The following CHPT1 variants were observed in gnomAD, a reference collection of about 807,000 sequenced individuals.
CHPT1 encodes the protein cholinephosphotransferase 1.
CHPT1 carries 36 observed loss-of-function variants against 47.6 expected under a neutral mutation model. The ratio of observed to expected loss-of-function variants is 0.76; its 90% confidence interval spans 0.58 to 1.00. The LOEUF is 1.00. Ranked by LOEUF, CHPT1 falls within the 50% of genes least tolerant of loss-of-function variation. The pLI, the probability that CHPT1 is intolerant of heterozygous loss-of-function variation, is 0.00. For synonymous variants in CHPT1, 194 were observed against 186.3 expected, an observed-to-expected ratio of 1.04 and a Z score of -0.33; for missense variants, 458 against 498.1, an observed-to-expected ratio of 0.92 and a Z score of 0.77.
At chr12:101,699,249 G>A (rs1353239559) in intron 1 of CHPT1, among the ~76,000 whole-genome samples, 7 of 152,032 alleles carry the variant, frequency 4.6e-5, no homozygotes, top group African/African-American at 1.7e-4. Flanking sequence ...CACCACGGCC[G>A]ACTCACTTTT....
At chr12:101,708,394 G>A (rs996793699) in intron 1 of CHPT1, among the ~76,000 whole-genome samples, 1 of 151,122 alleles carries the variant, frequency 6.6e-6, no homozygotes, top group Non-Finnish European at 1.5e-5. Context: ...TTGTTTTCTA[G>A]AATAAATTTA....
intron 3 of CHPT1, among the ~76,000 whole-genome samples, chr12:101,716,514 G>A (rs774791316): frequency 7.2e-5 from 11 of 152,000 alleles, no homozygotes; most frequent in Non-Finnish European, 1.5e-4. Flanking sequence ...TTTTCCCTCT[G>A]CATATACCGT....
At chr12:101,717,261 G>A (rs1239770290) in intron 4 of CHPT1, 1 of 454,738 alleles carries the variant, frequency 2.2e-6, no homozygotes, top group Non-Finnish European at 4.4e-6. Context: ...ATTAAGGAAT[G>A]TTTTTATTTT....
chr12:101,704,011 T>G (rs540286239), intron 1 of CHPT1, among the ~76,000 whole-genome samples: 3 of 152,220 alleles, frequency 2.0e-5, no homozygotes, highest in Non-Finnish European at 4.4e-5. Flanking sequence ...TCTTCTAATG[T>G]CCTTTCTTCC....
At chr12:101,712,311 G>A (rs1044015770) in intron 1 of CHPT1, among the ~76,000 whole-genome samples, 5 of 148,472 alleles carry the variant, frequency 3.4e-5, no homozygotes, top group East Asian at 2.0e-4. Context: ...GTGAGCCGCC[G>A]AACCTGGACT....
chr12:101,697,996 G>T lies in CHPT1; in HGVS notation c.135G>T (p.Pro45=). The T allele has an allele frequency of 6.4e-7, 1 of 1,559,018 alleles. No individual in the cohort carries two copies. The highest frequency in any genetic ancestry group is 2.5e-5 in the East Asian group (1 of 40,310). ...SAAGVSLLEP[P]LQLYWTWLLQ... is the part of the protein sequence containing the mutation. Reference sequence around the variant, plus strand: ...CGGGCGTCTCGCTGCTCGAGCCGCCGCTGCAGCTCTACTGGACCTGGCTGC... The same window carrying T: ...CGGGCGTCTCGCTGCTCGAGCCGCCTCTGCAGCTCTACTGGACCTGGCTGC... Residue 45 remains proline (P), a synonymous_variant, in exon 1 of 9, where the codon CCG becomes CCT. Coordinates refer to ENST00000229266, the MANE Select transcript of CHPT1 (RefSeq NM_020244.3).
intron 1 of CHPT1, among the ~76,000 whole-genome samples, chr12:101,700,840 G>A (rs995923451): frequency 6.6e-6 from 1 of 152,124 alleles, no homozygotes; most frequent in Non-Finnish European, 1.5e-5. Context: ...GGAAATTGAA[G>A]CCCAGAGATG....
intron 1 of CHPT1, among the ~76,000 whole-genome samples, chr12:101,700,323 GAAAAAAAA>G (rs5800482): frequency 7.5e-6 from 1 of 132,718 alleles, no homozygotes; most frequent in South Asian, 2.5e-4. Context: ...AGCCTCATGT[GAAAAAAAA>G]AAAAAAAAGG....
chr12:101,716,891 A>G (rs1432290892), intron 4 of CHPT1, 79 bp downstream of exon 4: 2 of 866,144 alleles, frequency 2.3e-6, no homozygotes, highest in African/African-American at 3.6e-5. Context: ...AATTTTCTTC[A>G]AAAATCCTTG....
At chr12:101,709,729 G>C (rs1210163012) in intron 1 of CHPT1, among the ~76,000 whole-genome samples, 4 of 148,744 alleles carry the variant, frequency 2.7e-5, no homozygotes, top group African/African-American at 7.3e-5. Flanking sequence ...CTTGTGGCTG[G>C]CACCATTTCC....
rs766167234 is a variant in CHPT1, at chr12:101,714,191, C to G, written c.375C>G (p.Ser125=). ...AAGCCAGAAGAACAAACTCTTGTTC[C>G]CCTTTAGGGGAGCTCTTTGACCATG... ...GKQARRTNSC[S]PLGELFDHGC... The change falls in exon 2 of 9, where the codon TCC becomes TCG. Residue 125 remains serine (S), a synonymous_variant. Transcript: ENST00000229266. The G allele has an allele frequency of 4.3e-6, 7 of 1,613,062 alleles. No homozygotes were observed. The South Asian group carries it at 7.7e-5, about 18-fold the overall frequency.
chr12:101,726,164 G>A, intron 7 of CHPT1, 130 bp from the exon 8 acceptor site: 1 of 641,818 alleles, frequency 1.6e-6, no homozygotes, highest in Non-Finnish European at 2.7e-6. Context: ...GTATTAAAGT[G>A]CTTTAAAATG....
intron 1 of CHPT1, among the ~76,000 whole-genome samples, chr12:101,700,217 G>A (rs920745668): frequency 2.0e-5 from 3 of 151,646 alleles, no homozygotes; most frequent in African/African-American, 2.4e-5. Flanking sequence ...CTTAGAAAGA[G>A]CAGGGCTTAC....
In CHPT1 at chr12:101,716,897, C is replaced by A. The variant is rs1951770950; in HGVS notation, c.648+85C>A. Reference sequence around the variant, plus strand: ...TGCATTGTTAATTTTCTTCAAAAATCCTTGGCATTGTATTTAATTTTTTTT... The same window carrying A: ...TGCATTGTTAATTTTCTTCAAAAATACTTGGCATTGTATTTAATTTTTTTT... On this transcript the variant is annotated intron_variant, in intron 4 of 8. Coordinates refer to ENST00000229266, the MANE Select transcript of CHPT1 (RefSeq NM_020244.3). 1.5e-5 allele frequency: 12 copies of A among 802,846 alleles called. No individual in the cohort carries two copies. In the South Asian group the frequency reaches 1.9e-4, roughly 13 times the overall value. 49.7% of individuals were successfully genotyped at this position (802,846 alleles called of 1,614,324 possible). A position where few individuals can be genotyped will look rare whatever the true frequency, so the allele number is the denominator to read the frequency against.
intron 1 of CHPT1, among the ~76,000 whole-genome samples, chr12:101,710,347 GA>G (rs1194571057): frequency 6.7e-6 from 1 of 148,330 alleles, no homozygotes; most frequent in Admixed American, 6.8e-5. Context: ...CCTGTCTCAA[GA>G]ACAAAAAAAG....
intron 5 of CHPT1, 128 bp from the exon 6 acceptor site, chr12:101,723,040 C>G: frequency 8.9e-6 from 7 of 790,882 alleles, no homozygotes; most frequent in South Asian, 1.6e-5. Context: ...TTTGTATACT[C>G]CTGTAGGCCA....
At position 101,708,633 on chromosome 12, in the gene CHPT1, G is replaced by A. The variant is rs186891046; in HGVS notation, c.274-5457G>A. 8.9e-4 allele frequency among the ~76,000 whole-genome samples: 110 copies of A among 123,594 alleles called. 2 individuals carry two copies. The highest frequency in any genetic ancestry group is 2.7e-3 in the African/African-American group (106 of 38,604). The allele number at this position is 123,594 out of a possible 152,430, so 81.1% of individuals were successfully genotyped here. A position where few individuals can be genotyped will look rare whatever the true frequency, so the allele number is the denominator to read the frequency against. Reference sequence around the variant, plus strand: ...CATTTATTTAATTATTTAGAGACAGGGTCTCACTCTGTTGCCCCAGCTGGA... The same window carrying A: ...CATTTATTTAATTATTTAGAGACAGAGTCTCACTCTGTTGCCCCAGCTGGA... On this transcript the variant is annotated intron_variant, in intron 1 of 8. Coordinates refer to ENST00000229266, the MANE Select transcript of CHPT1 (RefSeq NM_020244.3).
intron 2 of CHPT1, 80 bp from the exon 3 acceptor site, chr12:101,714,424 T>G: frequency 7.9e-7 from 1 of 1,273,598 alleles, no homozygotes; most frequent in Non-Finnish European, 1.1e-6. Context: ...CTTAGAGCTC[T>G]GTATTTCTAA....
chr12:101,710,107 G>T (rs1036606160), intron 1 of CHPT1, among the ~76,000 whole-genome samples: 1 of 149,144 alleles, frequency 6.7e-6, no homozygotes, highest in Non-Finnish European at 1.5e-5. Flanking sequence ...CACTTTGGGA[G>T]GCTGAGGCAG....
Sources: allele counts gnomAD v4.1 joint callset (sites outside exome capture counted in the v4.1 genomes callset), GRCh38; gene constraint gnomAD v4.1.1; transcripts MANE v1.5; gene names NCBI Gene and HGNC (gene_info 2026-07-23, HGNC 2026-07-21).